C14orf132: variants seen among roughly 807,000 people sequenced by gnomAD.
C14orf132 encodes the protein chromosome 14 open reading frame 132.
In C14orf132, 6 loss-of-function variants were observed where a neutral mutation model predicts 5.8. The ratio of observed to expected loss-of-function variants is 1.03; its 90% CI spans 0.57 to 2.04. The LOEUF is 2.04. Among genes scored for constraint, C14orf132 ranks in the 30% most tolerant of loss-of-function variants. C14orf132 has a pLI of 0.00. For missense variants in C14orf132, 125 were observed against 115.8 expected, an observed-to-expected ratio of 1.08 and a Z score of -0.37; for synonymous variants, 51 against 49.8, an observed-to-expected ratio of 1.02 and a Z score of -0.10.
At position 96,086,934 on chromosome 14, in the gene C14orf132, T is replaced by C. The variant is rs1595195370; in HGVS notation, c.*199T>C. On this transcript the variant is annotated 3_prime_UTR_variant, in exon 2 of 2. Coordinates refer to ENST00000555004, the MANE Select transcript of C14orf132 (RefSeq NM_001252507.3). ...AGCTGAGTCAGAAGACATGGAAGTATGGGCCTCCTGCCCCTAGAGGCATGA... is the reference window on the plus strand; with the variant it reads ...AGCTGAGTCAGAAGACATGGAAGTACGGGCCTCCTGCCCCTAGAGGCATGA... 1 of 619,810 alleles carries C rather than the reference T, an allele frequency of 1.6e-6. No individual in the cohort carries two copies. Among genetic ancestry groups the C allele is most frequent in the Non-Finnish European group, 2.8e-6 (1 of 357,940 alleles). The allele number at this position is 619,810 out of a possible 1,614,324, so 38.4% of individuals were successfully genotyped here.
Position 96,089,553 on chromosome 14 carries a change from G to A in C14orf132, c.*2818G>A, listed in dbSNP as rs74086074. On this transcript the variant is annotated 3_prime_UTR_variant, in exon 2 of 2. Coordinates refer to ENST00000555004, the MANE Select transcript of C14orf132 (RefSeq NM_001252507.3). ...ACAAGGCCCTGAATCTGCAGAGGCT[G>A]TTTCTCAAGATGCCCGTCATGGTGT... The A allele has an allele frequency of 5.6e-3, 857 of 152,508 alleles. 5 individuals carry two copies. Among genetic ancestry groups the A allele is most frequent in the African/African-American group, 0.02 (822 of 41,566 alleles). The allele number at this position is 152,508 out of a possible 1,614,324, so 9.4% of individuals were successfully genotyped here.
At chr14:96,078,158 GC>G in intron 1 of C14orf132, among the ~76,000 whole-genome samples, 1 of 152,348 alleles carries the variant, frequency 6.6e-6, no homozygotes, top group East Asian at 1.9e-4. Flanking sequence ...GATCAAGGGA[GC>G]CCCCACACTC....
chr14:96,084,846 C>T (rs1056349145), intron 1 of C14orf132, among the ~76,000 whole-genome samples: 3 of 152,196 alleles, frequency 2.0e-5, no homozygotes, highest in Non-Finnish European at 4.4e-5. Flanking sequence ...CCGAGTGCCT[C>T]CTGGCAGGAG....
chr14:96,084,504 T>C (rs550226463), intron 1 of C14orf132, among the ~76,000 whole-genome samples: 1 of 152,340 alleles, frequency 6.6e-6, no homozygotes, highest in East Asian at 1.9e-4. Flanking sequence ...ATGTGTCTGA[T>C]GCACCCACAC....
chr14:96,073,178 T>C (rs12890369), intron 1 of C14orf132, among the ~76,000 whole-genome samples: 2 of 152,160 alleles, frequency 1.3e-5, no homozygotes, highest in East Asian at 3.9e-4. Context: ...GCCATTGTGA[T>C]AGATGTGTAG....
At chr14:96,042,192 T>C (rs1358353619) in intron 1 of C14orf132, among the ~76,000 whole-genome samples, 1 of 152,110 alleles carries the variant, frequency 6.6e-6, no homozygotes, top group East Asian at 1.9e-4. Context: ...TGGAGAGATA[T>C]CGAGATAGCG....
chr14:96,045,746 T>C (rs1046561251), intron 1 of C14orf132, among the ~76,000 whole-genome samples: 1 of 152,242 alleles, frequency 6.6e-6, no homozygotes, highest in African/African-American at 2.4e-5. Context: ...CTACCAACCA[T>C]GGTGTGGACT....
intron 1 of C14orf132, among the ~76,000 whole-genome samples, chr14:96,054,614 G>T (rs181207264): frequency 1.8e-4 from 28 of 152,304 alleles, no homozygotes; most frequent in Non-Finnish European, 2.8e-4. Flanking sequence ...AACAAACTGT[G>T]CAGGGCAGCA....
intron 1 of C14orf132, among the ~76,000 whole-genome samples, chr14:96,079,265 A>C (rs1887963491): frequency 1.3e-5 from 2 of 152,162 alleles, no homozygotes; most frequent in South Asian, 2.1e-4. Context: ...TTTTACAGAT[A>C]AGGAAGCTGA....
At chr14:96,070,558 G>T (rs1887674579) in intron 1 of C14orf132, among the ~76,000 whole-genome samples, 1 of 149,730 alleles carries the variant, frequency 6.7e-6, no homozygotes, top group African/African-American at 2.5e-5. Flanking sequence ...GATTGCAAAG[G>T]TTCATTTGCC....
At chr14:96,061,135 G>T (rs1334777077) in intron 1 of C14orf132, among the ~76,000 whole-genome samples, 16 of 151,820 alleles carry the variant, frequency 1.1e-4, no homozygotes, top group African/African-American at 3.9e-4. Flanking sequence ...ACCATGCACT[G>T]GGCCTCATTC....
At chr14:96,045,774 C>T (rs1002443642) in intron 1 of C14orf132, among the ~76,000 whole-genome samples, 6 of 152,212 alleles carry the variant, frequency 3.9e-5, no homozygotes, top group African/African-American at 1.4e-4. Flanking sequence ...TTACTTACTG[C>T]TTATGACTTC....
intron 1 of C14orf132, among the ~76,000 whole-genome samples, chr14:96,042,207 C>T (rs551238606): frequency 2.6e-5 from 4 of 152,204 alleles, no homozygotes; most frequent in Admixed American, 2.0e-4. Flanking sequence ...ATAGCGAAGT[C>T]CAGAAAATAT....
chr14:96,086,499 CCTT>C lies in C14orf132; in HGVS notation c.28-8_28-6del. On this transcript the variant is annotated splice_polypyrimidine_tract_variant and intron_variant, in intron 1 of 1. Transcript: ENST00000555004. Reference sequence around the variant, plus strand: ...CATGGCCCTGGATAATTCTCTCTCTCCTTCTTTGCAGCTGCCCATGATGGGGGG... The same window carrying C: ...CATGGCCCTGGATAATTCTCTCTCTCCTTTGCAGCTGCCCATGATGGGGGG... 2.0e-6 allele frequency: 3 copies of C among 1,535,856 alleles called. No individual in the cohort carries two copies. Among genetic ancestry groups the C allele is most frequent in the Non-Finnish European group, 2.6e-6 (3 of 1,146,658 alleles).
intron 1 of C14orf132, among the ~76,000 whole-genome samples, chr14:96,060,851 A>C (rs1015465044): frequency 1.3e-5 from 2 of 152,220 alleles, no homozygotes; most frequent in African/African-American, 2.4e-5. Context: ...TGAGATGGGA[A>C]GGGTCTGGGT....
intron 1 of C14orf132, among the ~76,000 whole-genome samples, chr14:96,075,659 T>C (rs1887840816): frequency 1.3e-5 from 2 of 152,236 alleles, no homozygotes; most frequent in South Asian, 4.1e-4. Context: ...TTTTGTCAAA[T>C]GCTTTTTCTG....
At chr14:96,053,459 A>G (rs539050672) in intron 1 of C14orf132, among the ~76,000 whole-genome samples, 1 of 152,340 alleles carries the variant, frequency 6.6e-6, no homozygotes, top group Admixed American at 6.5e-5. Flanking sequence ...TGCCCAGTAC[A>G]TGTTGACTTT....
At chr14:96,086,222 G>A (rs1184142466) in intron 1 of C14orf132, among the ~76,000 whole-genome samples, 1 of 152,158 alleles carries the variant, frequency 6.6e-6, no homozygotes, top group Non-Finnish European at 1.5e-5. Flanking sequence ...GGAATGGCTG[G>A]AGGGGTTGCT....
intron 1 of C14orf132, among the ~76,000 whole-genome samples, chr14:96,080,098 G>A (rs576764267): frequency 7.2e-5 from 11 of 152,272 alleles, no homozygotes; most frequent in African/African-American, 2.6e-4. Flanking sequence ...GGGTTTATAT[G>A]GCAATATTTG....
Sources: gnomAD v4.1 joint callset for allele counts (sites outside exome capture counted in the v4.1 genomes callset) on GRCh38, gnomAD v4.1.1 for gene constraint, MANE v1.5 for transcripts, NCBI Gene and HGNC (gene_info 2026-07-23, HGNC 2026-07-21) for gene names.